The following MYH11 variants were observed in gnomAD, a reference collection of about 807,000 sequenced individuals.
MYH11 encodes myosin-11.
In MYH11, 80 loss-of-function variants were observed where a neutral mutation model predicts 246.6. The ratio of observed to expected loss-of-function variants is 0.32; its 90% confidence interval spans 0.27 to 0.39. MYH11 has a LOEUF of 0.39. Ranked by LOEUF, MYH11 falls within the 10% of genes least tolerant of loss-of-function variation. The pLI is 1.00. For missense variants in MYH11, 2,158 were observed against 2,546.8 expected, an observed-to-expected ratio of 0.85 and a Z score of 3.29; for synonymous variants, 1,071 against 1,015.5, an observed-to-expected ratio of 1.05 and a Z score of -1.04.
intron 2 of MYH11, among the ~76,000 whole-genome samples, chr16:15,836,074 C>A (rs2043884013): frequency 6.6e-6 from 1 of 152,058 alleles, no homozygotes; most frequent in East Asian, 1.9e-4. Flanking sequence ...ACTATTCTTG[C>A]ATCCATTTTA....
intron 3 of MYH11, among the ~76,000 whole-genome samples, chr16:15,809,930 C>A (rs550145785): frequency 3.9e-5 from 6 of 152,134 alleles, no homozygotes; most frequent in African/African-American, 1.4e-4. Flanking sequence ...TCAAAAAAGC[C>A]CAAAACAAAC....
At position 15,720,464 on chromosome 16, in the gene MYH11, C is replaced by T. The variant is rs987262104; in HGVS notation, c.4792-152G>A. 3.6e-5 allele frequency: 41 copies of T among 1,150,502 alleles called. No homozygotes were observed. The East Asian group carries it at 4.6e-4, about 13-fold the overall frequency. 71.3% of individuals were successfully genotyped at this position (1,150,502 alleles called of 1,614,324 possible). A position where few individuals can be genotyped will look rare whatever the true frequency, so the allele number is the denominator to read the frequency against. ...AGTTGCAGATGAGAAAACGGAATCACGCCGGGCGTGGGTGGCTCATGTCTG... is the reference window on the plus strand; with the variant it reads ...AGTTGCAGATGAGAAAACGGAATCATGCCGGGCGTGGGTGGCTCATGTCTG... On this transcript the variant is annotated intron_variant, in intron 33 of 40. Coordinates refer to ENST00000300036, the MANE Select transcript of MYH11 (RefSeq NM_002474.3).
Position 15,719,656 on chromosome 16 carries a change from T to C in MYH11, c.5011A>G (p.Ile1671Val). The C allele has an allele frequency of 6.2e-7, 1 of 1,614,174 alleles. No homozygotes were observed. The highest frequency in any genetic ancestry group is 8.5e-7 in the Non-Finnish European group (1 of 1,180,010). The change falls in exon 35 of 41, where the codon ATC (isoleucine) becomes GTC (valine). Residue 1671 changes from isoleucine to valine, a missense_variant. Ile to Val is a conservative substitution (Grantham distance 29, BLOSUM62 3). Coordinates refer to ENST00000300036, the MANE Select transcript of MYH11 (RefSeq NM_002474.3). Reference sequence around the variant, plus strand: ...TCATTCTCTTTGGCTGTGGCAAAGATCTCATCTCTGGAGGCACGGGCATCT... The same window carrying C: ...TCATTCTCTTTGGCTGTGGCAAAGACCTCATCTCTGGAGGCACGGGCATCT... The part of the protein sequence containing the change: ...LEDARASRDE[I>V]FATAKENEKK...
intron 25 of MYH11, 115 bp from the exon 26 acceptor site, chr16:15,735,693 C>G: frequency 1.0e-6 from 1 of 960,352 alleles, no homozygotes; most frequent in Non-Finnish European, 1.6e-6. Flanking sequence ...CATCAAACAC[C>G]TTCTATCCAT....
At chr16:15,800,535 A>G (rs2042858800) in intron 3 of MYH11, among the ~76,000 whole-genome samples, 1 of 148,290 alleles carries the variant, frequency 6.7e-6, no homozygotes, top group Non-Finnish European at 1.5e-5. Flanking sequence ...GAGTGAGTGG[A>G]TGAGAGAGTG....
At chr16:15,815,575 A>G (rs569113214) in intron 3 of MYH11, among the ~76,000 whole-genome samples, 2 of 152,308 alleles carry the variant, frequency 1.3e-5, no homozygotes, top group South Asian at 4.1e-4. Flanking sequence ...AAAGACTTCT[A>G]AGAAAAAGAA....
intron 7 of MYH11, among the ~76,000 whole-genome samples, chr16:15,777,166 A>G (rs956552845): frequency 9.9e-5 from 15 of 151,980 alleles, no homozygotes; most frequent in Non-Finnish European, 7.4e-5. Context: ...TCTGTCACCC[A>G]GGCTGGAGGG....
intron 1 of MYH11, among the ~76,000 whole-genome samples, chr16:15,850,674 C>A (rs527266380): frequency 6.6e-6 from 1 of 151,944 alleles, no homozygotes; most frequent in Non-Finnish European, 1.5e-5. Context: ...GCAGGCAGTT[C>A]GCTTGAGCTT....
intron 20 of MYH11, among the ~76,000 whole-genome samples, chr16:15,743,591 TG>T (rs2041336177): frequency 6.6e-6 from 1 of 152,220 alleles, no homozygotes; most frequent in African/African-American, 2.4e-5. Flanking sequence ...AGCCCCTGCC[TG>T]GCACAAGGAA....
chr16:15,790,670 T>G (rs1370817707), intron 4 of MYH11, among the ~76,000 whole-genome samples: 1 of 152,160 alleles, frequency 6.6e-6, no homozygotes, highest in African/African-American at 2.4e-5. Flanking sequence ...TTCTTATTTC[T>G]TGGGGAATTT....
At chr16:15,776,956 G>A (rs969291209) in intron 7 of MYH11, among the ~76,000 whole-genome samples, 7 of 152,260 alleles carry the variant, frequency 4.6e-5, no homozygotes, top group African/African-American at 1.2e-4. Context: ...ATGATGGTGC[G>A]GGATGATGGG....
At chr16:15,745,278 A>T (rs2151256885) in intron 19 of MYH11, 41 bp from the exon 20 acceptor site, 2 of 1,423,786 alleles carry the variant, frequency 1.4e-6, no homozygotes, top group Non-Finnish European at 2.0e-6. Context: ...TCATGAAGCC[A>T]CACCCTGCTG....
Position 15,771,575 on chromosome 16 carries a change from G to C in MYH11, c.1027C>G (p.Gln343Glu). 6.2e-7 allele frequency: 1 copy of C among 1,613,618 alleles called. No homozygotes were observed. Among genetic ancestry groups the C allele is most frequent in the Non-Finnish European group, 8.5e-7 (1 of 1,179,976 alleles). Residue 343 changes from glutamine (Q) to glutamate (E), a missense_variant, in exon 9 of 41, where the codon CAG becomes GAG. Physicochemically the swap from Gln to Glu is conservative, Grantham distance 29 (BLOSUM62 2). Transcript: ENST00000300036. ...MAIMGFSEEE[Q>E]LSILKVVSSV... ...CTCAAGGTGTGAGGCTTACATAGCT[G>C]CTCCTCCTCGCTGAAACCCATGATT...
intron 1 of MYH11, among the ~76,000 whole-genome samples, chr16:15,842,762 C>CAAAAAAAAAAAAAAAAAAAAAAAA (rs757920488): frequency 2.0e-4 from 4 of 19,642 alleles, no homozygotes; most frequent in African/African-American, 3.3e-4. Flanking sequence ...AGACTTCATC[C>CAAAAAAAAAAAAAAAAAAAAAAAA]AAAAAAAAAA....
chr16:15,718,770 A>T, intron 36 of MYH11: 1 of 452,588 alleles, frequency 2.2e-6, no homozygotes, highest in South Asian at 2.3e-5. Flanking sequence ...GCGCTGACGG[A>T]AAACCTAACC....
intron 24 of MYH11, among the ~76,000 whole-genome samples, 179 bp downstream of exon 24, chr16:15,738,386 G>A (rs913666394): frequency 1.3e-5 from 2 of 152,074 alleles, no homozygotes; most frequent in African/African-American, 2.4e-5. Flanking sequence ...GGTGATGCAC[G>A]CCTGTAGTCT....
intron 32 of MYH11, 129 bp from the exon 33 acceptor site, chr16:15,721,180 G>T: frequency 9.5e-7 from 1 of 1,051,230 alleles, no homozygotes; most frequent in Non-Finnish European, 1.4e-6. Context: ...GCATGGCCGG[G>T]ACTCAAGATG....
intron 5 of MYH11, 100 bp from the exon 6 acceptor site, chr16:15,782,577 G>T: frequency 1.1e-6 from 1 of 873,952 alleles, no homozygotes; most frequent in Non-Finnish European, 1.9e-6. Flanking sequence ...TTAACCCACA[G>T]GTTCTCTCCT....
At chr16:15,741,735 C>A in intron 21 of MYH11, 25 bp downstream of exon 21, 1 of 1,614,160 alleles carries the variant, frequency 6.2e-7, no homozygotes, top group Non-Finnish European at 8.5e-7. Context: ...CCCCAGCAAC[C>A]CCAGCCATGC....
Sources: allele counts gnomAD v4.1 joint callset (sites outside exome capture counted in the v4.1 genomes callset), GRCh38; gene constraint gnomAD v4.1.1; transcripts MANE v1.5; gene names NCBI Gene and HGNC (gene_info 2026-07-23, HGNC 2026-07-21).